Variants in WDR27 observed in about 807,000 individuals in gnomAD.
WDR27 encodes the protein WD repeat-containing protein 27.
WDR27 carries 100 observed loss-of-function variants against 114.4 expected under a neutral mutation model. The ratio of observed to expected loss-of-function variants is 0.87; its 90% confidence interval spans 0.74 to 1.03. The LOEUF (loss-of-function observed/expected upper bound fraction) is 1.03. Ranked by LOEUF, WDR27 falls within the 50% of genes least tolerant of loss-of-function variation. The pLI, the probability that WDR27 is intolerant of heterozygous loss-of-function variation, is 0.00. For missense variants in WDR27, 1,129 were observed against 1,092.9 expected (o/e 1.03, Z -0.47); for synonymous variants, 449 against 423.1 (o/e 1.06, Z -0.75).
chr6:169,521,783 T>C (rs1314465383), intron 25 of WDR27, among the ~76,000 whole-genome samples: 2 of 151,614 alleles, frequency 1.3e-5, no homozygotes, highest in African/African-American at 4.8e-5. Context: ...GTAACCACAA[T>C]GCAAAAACCT....
intron 23 of WDR27, among the ~76,000 whole-genome samples, chr6:169,593,991 T>C (rs1032647689): frequency 2.0e-5 from 3 of 152,246 alleles, no homozygotes; most frequent in African/African-American, 7.2e-5. Context: ...TGATTTACTT[T>C]GTTGTTCCCT....
At chr6:169,541,264 A>G (rs34634364) in intron 25 of WDR27, among the ~76,000 whole-genome samples, 1 of 152,242 alleles carries the variant, frequency 6.6e-6, no homozygotes, top group African/African-American at 2.4e-5. Context: ...GTAAAAATAA[A>G]CAGTAGAACA....
At chr6:169,663,376 GA>G (rs1439888286) in intron 8 of WDR27, among the ~76,000 whole-genome samples, 1 of 151,898 alleles carries the variant, frequency 6.6e-6, no homozygotes, top group Non-Finnish European at 1.5e-5. Context: ...CAACCTAAAA[GA>G]AAGAATGAGT....
intron 13 of WDR27, 29 bp from the exon 14 acceptor site, chr6:169,652,037 CA>C (rs1456230172): frequency 6.2e-7 from 1 of 1,605,078 alleles, no homozygotes; most frequent in Non-Finnish European, 8.5e-7. Flanking sequence ...AAAGAAGAAA[CA>C]AACACTTAAA....
chr6:169,437,713 G>T, the WDR27 span, among the ~76,000 whole-genome samples: 1 of 152,064 alleles, frequency 6.6e-6, no homozygotes, highest in South Asian at 2.1e-4. Flanking sequence ...ATTTTGAATT[G>T]TAATGTATTT....
At chr6:169,643,545 T>G (rs1174336398) in intron 17 of WDR27, among the ~76,000 whole-genome samples, 152 bp downstream of exon 17, 1 of 152,224 alleles carries the variant, frequency 6.6e-6, no homozygotes, top group Non-Finnish European at 1.5e-5. Flanking sequence ...GTTGAAGATC[T>G]CAGTAAATCT....
rs114947213 is a variant in WDR27, at chr6:169,477,703, G to A, written c.2646-20069C>T. Among the ~76,000 whole-genome samples, 657 of 152,174 alleles carry A rather than the reference G, an allele frequency of 4.3e-3. 5 individuals carry two copies. The highest frequency in any genetic ancestry group is 0.015 in the African/African-American group (635 of 41,510). On this transcript the variant is annotated intron_variant, in intron 25 of 25. Coordinates refer to ENST00000448612, the MANE Select transcript of WDR27 (RefSeq NM_182552.5). ...ATCCACCCACCTTGGCCTCACTATG[G>A]GATTAAAGGCGTGATCCACTGTGCC... is the stretch of plus-strand genomic sequence containing the variant.
At chr6:169,574,754 C>T (rs1273016483) in intron 24 of WDR27, among the ~76,000 whole-genome samples, 1 of 152,180 alleles carries the variant, frequency 6.6e-6, no homozygotes, top group East Asian at 1.9e-4. Flanking sequence ...CCCTCAGTCC[C>T]GACACCACAG....
rs146348860 is a variant in WDR27 at position 169,621,784 on chromosome 6, G to A, written c.2224-8128C>T. On this transcript the variant is annotated intron_variant, in intron 21 of 25. Coordinates refer to ENST00000448612, the MANE Select transcript of WDR27 (RefSeq NM_182552.5). ...TATATACAGACGCACACACATGCAT[G>A]CATGCATATACATACCCACACATGC... 1.7e-3 allele frequency among the ~76,000 whole-genome samples: 261 copies of A among 150,898 alleles called. 1 individual carries two copies. Among genetic ancestry groups the A allele is most frequent in the African/African-American group, 5.8e-3 (239 of 41,062 alleles).
At chr6:169,588,161 G>A (rs1161166495) in intron 23 of WDR27, among the ~76,000 whole-genome samples, 1 of 152,186 alleles carries the variant, frequency 6.6e-6, no homozygotes, top group Non-Finnish European at 1.5e-5. Flanking sequence ...AGGGATACTT[G>A]TAACTCCTGA....
chr6:169,528,503 T>C (rs551354631), intron 25 of WDR27, among the ~76,000 whole-genome samples: 1 of 152,330 alleles, frequency 6.6e-6, no homozygotes, highest in African/African-American at 2.4e-5. Context: ...ACAACTGTGA[T>C]TTGTGTTAAC....
chr6:169,687,017 G>A (rs190174723), intron 2 of WDR27, among the ~76,000 whole-genome samples: 10 of 152,168 alleles, frequency 6.6e-5, no homozygotes. Context: ...AAAGAAGTGA[G>A]AGAAGGGATA....
chr6:169,602,237 A>G lies in WDR27; in HGVS notation c.2406T>C (p.Cys802=). ...TACATACGTGTCTGTCCTCGGCCCC[A>G]CAAGCCGCGAATCGTCCACAAGGAC... is the stretch of plus-strand genomic sequence containing the variant. ...AFSPCGRFAA[C]GAEDRHAYVY... The change falls in exon 23 of 26, where the codon TGT becomes TGC. Residue 802 remains cysteine (C), a synonymous_variant. Coordinates refer to ENST00000448612, the MANE Select transcript of WDR27 (RefSeq NM_182552.5). 1 of 1,559,204 alleles carries G rather than the reference A, an allele frequency of 6.4e-7. No homozygotes were observed.
chr6:169,449,720 G>A, the WDR27 span, among the ~76,000 whole-genome samples: 2 of 152,234 alleles, frequency 1.3e-5, no homozygotes, highest in East Asian at 3.8e-4. Flanking sequence ...GGCAGGAGGA[G>A]CAAGGTCCTG....
chr6:169,688,544 T>G (rs1783650258), intron 2 of WDR27, among the ~76,000 whole-genome samples: 1 of 152,188 alleles, frequency 6.6e-6, no homozygotes. Flanking sequence ...GTAGGAGACT[T>G]GATTATGTTA....
At chr6:169,463,528 A>C (rs1168192657) in intron 25 of WDR27, among the ~76,000 whole-genome samples, 1 of 152,208 alleles carries the variant, frequency 6.6e-6, no homozygotes, top group Non-Finnish European at 1.5e-5. Flanking sequence ...GAATGGTATC[A>C]AAGTTCAAGC....
At chr6:169,689,051 CAT>C (rs1310775750) in intron 1 of WDR27, 39 bp from the exon 2 acceptor site, 2 of 1,465,644 alleles carry the variant, frequency 1.4e-6, no homozygotes, top group African/African-American at 1.4e-5. Flanking sequence ...CTATAGGTAT[CAT>C]ATTTAATACA....
At chr6:169,474,309 C>A (rs1786836477) in intron 25 of WDR27, among the ~76,000 whole-genome samples, 1 of 152,222 alleles carries the variant, frequency 6.6e-6, no homozygotes. Context: ...TAAATAAACT[C>A]TGCTGAAGAT....
At chr6:169,658,493 G>A (rs893294416) in intron 12 of WDR27, 135 bp from the exon 13 acceptor site, 2 of 667,804 alleles carry the variant, frequency 3.0e-6, no homozygotes, top group East Asian at 5.6e-5. Context: ...ATCTGAAAAT[G>A]AAAACTGTCA....
Sources: gnomAD v4.1 joint callset for allele counts (sites outside exome capture counted in the v4.1 genomes callset) on GRCh38, gnomAD v4.1.1 for gene constraint, MANE v1.5 for transcripts, NCBI Gene and HGNC (gene_info 2026-07-23, HGNC 2026-07-21) for gene names.